Variants in GOLM1 observed in about 807,000 individuals in gnomAD.
GOLM1 encodes the protein golgi membrane protein 1, also known as epididymis luminal protein 46.
Under a neutral mutation model 50.5 loss-of-function variants are expected in GOLM1, and 31 were observed. That is an observed-to-expected ratio of 0.61 (90% CI 0.46 to 0.83). The LOEUF is 0.83. Ranked by LOEUF, GOLM1 falls within the 40% of genes least tolerant of loss-of-function variation. GOLM1 has a pLI of 0.00. For synonymous variants in GOLM1, 178 were observed against 192.8 expected (o/e 0.92, Z 0.64); for missense variants, 491 against 501.3 (o/e 0.98, Z 0.20).
At chr9:86,056,069 G>C (rs1460431277) in intron 3 of GOLM1, among the ~76,000 whole-genome samples, 1 of 151,996 alleles carries the variant, frequency 6.6e-6, no homozygotes, top group Non-Finnish European at 1.5e-5. Context: ...ACATCTCCTG[G>C]GTAAATAATT....
chr9:86,096,559 C>A (rs1835361655), intron 1 of GOLM1, among the ~76,000 whole-genome samples: 1 of 152,164 alleles, frequency 6.6e-6, no homozygotes, highest in Non-Finnish European at 1.5e-5. Flanking sequence ...CTAATAAATG[C>A]AAACACAGGA....
chr9:86,055,295 T>C (rs564766261), intron 3 of GOLM1, among the ~76,000 whole-genome samples: 1 of 152,216 alleles, frequency 6.6e-6, no homozygotes, highest in East Asian at 1.9e-4. Flanking sequence ...ATCAGGGATT[T>C]TGCGGGGAGA....
intron 4 of GOLM1, among the ~76,000 whole-genome samples, chr9:86,048,668 ATCT>A (rs1473422106): frequency 2.6e-5 from 4 of 152,066 alleles, no homozygotes; most frequent in Non-Finnish European, 4.4e-5. Flanking sequence ...CTGCATAAAC[ATCT>A]TCTTTTGAGA....
intron 3 of GOLM1, among the ~76,000 whole-genome samples, chr9:86,056,656 C>T (rs1277287107): frequency 3.3e-5 from 5 of 152,188 alleles, no homozygotes; most frequent in East Asian, 1.9e-4. Context: ...CAGGCGCCCG[C>T]CACCACGCCT....
chr9:86,056,243 CA>C (rs74350555), intron 3 of GOLM1, among the ~76,000 whole-genome samples: 2 of 151,736 alleles, frequency 1.3e-5, no homozygotes, highest in Non-Finnish European at 2.9e-5. Flanking sequence ...TTTATTCTTC[CA>C]AAAAAATATA....
chr9:86,071,784 T>C (rs1834455539), intron 3 of GOLM1, among the ~76,000 whole-genome samples: 2 of 152,330 alleles, frequency 1.3e-5, no homozygotes, highest in South Asian at 2.1e-4. Context: ...CACTAAATTA[T>C]TAAGCATAGC....
intron 6 of GOLM1, among the ~76,000 whole-genome samples, chr9:86,038,621 C>G (rs1833230519): frequency 6.6e-6 from 1 of 151,488 alleles, no homozygotes. Context: ...CTCAGGCTCA[C>G]TAAAAACCCT....
Position 86,035,586 on chromosome 9 carries a change from T to G in GOLM1, c.797A>C (p.Gln266Pro). 1 of 1,605,694 alleles carries G rather than the reference T, an allele frequency of 6.2e-7. No homozygotes were observed. Among genetic ancestry groups the G allele is most frequent in the South Asian group, 1.1e-5 (1 of 91,038 alleles). ...NEIQVVNEEP[Q>P]RDRLPQEPGR... ...TGGCTCCTGCGGCAGCCTGTCCCTC[T>G]GAGGCTCCTCATTCACCACCTGGAT... The change falls in exon 8 of 10, where the codon CAG becomes CCG. Residue 266 changes from glutamine to proline, a missense_variant. Gln to Pro is a moderately conservative substitution (Grantham distance 76, BLOSUM62 -1). Coordinates refer to ENST00000388712, the MANE Select transcript of GOLM1 (RefSeq NM_016548.4).
chr9:86,050,817 C>A (rs1422267469), intron 4 of GOLM1, among the ~76,000 whole-genome samples: 1 of 152,146 alleles, frequency 6.6e-6, no homozygotes, highest in African/African-American at 2.4e-5. Context: ...AAAACCAGCT[C>A]CTGGATTCAT....
chr9:86,031,880 C>T (rs758864476), intron 9 of GOLM1, among the ~76,000 whole-genome samples: 2 of 146,924 alleles, frequency 1.4e-5, no homozygotes, highest in African/African-American at 5.0e-5. Flanking sequence ...CAGCCAAGAT[C>T]GCGCCACTGC....
At chr9:86,096,144 T>G (rs1260456215) in intron 1 of GOLM1, among the ~76,000 whole-genome samples, 1 of 150,802 alleles carries the variant, frequency 6.6e-6, no homozygotes, top group Non-Finnish European at 1.5e-5. Context: ...ACAGCGGCAA[T>G]AAAGTACACA....
At chr9:86,053,619 C>G (rs984086606) in intron 3 of GOLM1, among the ~76,000 whole-genome samples, 2,443 of 59,012 alleles carry the variant, frequency 0.041, 51 homozygotes, top group Middle Eastern at 0.085. Context: ...ACACACCACA[C>G]CAAACATCAC....
At chr9:86,051,427 TTC>T (rs1217415860) in intron 4 of GOLM1, among the ~76,000 whole-genome samples, 2 of 152,294 alleles carry the variant, frequency 1.3e-5, no homozygotes, top group East Asian at 3.9e-4. Flanking sequence ...CTTGTTAACT[TTC>T]TGTCTCGTTG....
At chr9:86,066,308 AGGAGAAACC>A (rs1056488477) in intron 3 of GOLM1, among the ~76,000 whole-genome samples, 1 of 152,176 alleles carries the variant, frequency 6.6e-6, no homozygotes, top group African/African-American at 2.4e-5. Flanking sequence ...ACTGTGCAAG[AGGAGAAACC>A]GGGCAGCTCC....
chr9:86,036,531 C>T, intron 6 of GOLM1, 24 bp from the exon 7 acceptor site: 1 of 1,611,864 alleles, frequency 6.2e-7, no homozygotes, highest in Non-Finnish European at 8.5e-7. Context: ...ACAGGACAGC[C>T]AGCCAGGGCA....
intron 5 of GOLM1, among the ~76,000 whole-genome samples, chr9:86,045,610 G>A (rs1391604828): frequency 6.6e-6 from 1 of 151,666 alleles, no homozygotes; most frequent in Non-Finnish European, 1.5e-5. Flanking sequence ...GGGAGATGGA[G>A]GTTGCAGTGA....
chr9:86,093,720 T>C (rs149856929), intron 1 of GOLM1, among the ~76,000 whole-genome samples: 98 of 152,112 alleles, frequency 6.4e-4, no homozygotes, highest in African/African-American at 2.1e-3. Flanking sequence ...TTCTAATTAC[T>C]TTTTTTAAAA....
chr9:86,049,612 T>C (rs1479531480), intron 4 of GOLM1, among the ~76,000 whole-genome samples: 1 of 152,224 alleles, frequency 6.6e-6, no homozygotes, highest in Non-Finnish European at 1.5e-5. Context: ...GATTCCTAGG[T>C]ATTTATTCTC....
chr9:86,081,736 A>T (rs1433903705), intron 1 of GOLM1, among the ~76,000 whole-genome samples: 3 of 151,766 alleles, frequency 2.0e-5, no homozygotes, highest in Admixed American at 2.0e-4. Context: ...CTAAAAATAC[A>T]AAAGCAGCCA....
Sources: allele counts gnomAD v4.1 joint callset (sites outside exome capture counted in the v4.1 genomes callset), GRCh38; gene constraint gnomAD v4.1.1; transcripts MANE v1.5; gene names NCBI Gene and HGNC (gene_info 2026-07-23, HGNC 2026-07-21).